The following CFAP20DC variants were observed in gnomAD, a reference collection of about 807,000 sequenced individuals.
CFAP20DC encodes the protein CFAP20 domain containing, also known as protein CFAP20DC.
CFAP20DC carries 84 observed loss-of-function variants against 101.7 expected under a neutral mutation model. The observed-to-expected ratio is 0.83, with a 90% CI of 0.69 to 0.99. The LOEUF (loss-of-function observed/expected upper bound fraction) is 0.99, where lower values mean the gene tolerates loss of function less well. Among genes scored for constraint, CFAP20DC ranks in the 50% least tolerant of loss-of-function variants. The pLI is 0.00. For synonymous variants in CFAP20DC, 359 were observed against 351.2 expected (o/e 1.02, Z -0.25); for missense variants, 1,007 against 970.3 (o/e 1.04, Z -0.50).
intron 4 of CFAP20DC, among the ~76,000 whole-genome samples, chr3:58,938,852 C>A (rs1312382163): frequency 1.3e-5 from 2 of 152,046 alleles, no homozygotes; most frequent in African/African-American, 4.8e-5. Flanking sequence ...TGCTCCAGAC[C>A]TAAAAATTCC....
Position 58,849,230 on chromosome 3 carries a change from A to G in CFAP20DC, c.1773T>C (p.Asp591=), listed in dbSNP as rs1244006931. Residue 591 remains aspartate (D), a synonymous_variant, in exon 13 of 17, where the codon GAT becomes GAC. Transcript: ENST00000482387. ...ACAAACTCATTTCAAAGTTATTTCT[A>G]TCTATTTGCTCCATCGAGGAATCCT... ...ESQDSSMEQI[D]RNNFEMSLLP... is the part of the protein sequence containing the mutation. 2 of 1,535,896 alleles carry G rather than the reference A, an allele frequency of 1.3e-6. No homozygotes were observed. Among genetic ancestry groups the G allele is most frequent in the Non-Finnish European group, 1.7e-6 (2 of 1,146,886 alleles).
chr3:58,888,193 G>A (rs965239052), intron 6 of CFAP20DC, among the ~76,000 whole-genome samples: 1 of 152,090 alleles, frequency 6.6e-6, no homozygotes, highest in African/African-American at 2.4e-5. Flanking sequence ...ATTAAATAGC[G>A]CTTCATTGTG....
intron 15 of CFAP20DC, among the ~76,000 whole-genome samples, chr3:58,764,074 A>G (rs939210355): frequency 1.3e-5 from 2 of 152,148 alleles, no homozygotes; most frequent in Non-Finnish European, 2.9e-5. Flanking sequence ...TCAGACAGGG[A>G]CATTTAAGTC....
At chr3:58,830,066 A>G (rs2076292762) in intron 14 of CFAP20DC, among the ~76,000 whole-genome samples, 1 of 152,202 alleles carries the variant, frequency 6.6e-6, no homozygotes, top group African/African-American at 2.4e-5. Context: ...CAGAAGTCAG[A>G]TATTTTTCTG....
chr3:58,781,180 T>C (rs1005456915), intron 15 of CFAP20DC, among the ~76,000 whole-genome samples: 1 of 151,732 alleles, frequency 6.6e-6, no homozygotes, highest in Non-Finnish European at 1.5e-5. Context: ...AACATACTTT[T>C]GAATGACCAC....
intron 14 of CFAP20DC, among the ~76,000 whole-genome samples, chr3:58,811,245 A>C (rs2074602501): frequency 6.6e-6 from 1 of 152,188 alleles, no homozygotes; most frequent in Non-Finnish European, 1.5e-5. Context: ...CCGCATTGCC[A>C]AGTCCATCCT....
At chr3:58,853,108 G>C (rs1028652323) in intron 12 of CFAP20DC, among the ~76,000 whole-genome samples, 8 of 152,128 alleles carry the variant, frequency 5.3e-5, no homozygotes, top group Non-Finnish European at 1.2e-4. Flanking sequence ...AAGAAGAAAA[G>C]AGAGAAGAAT....
intron 15 of CFAP20DC, among the ~76,000 whole-genome samples, chr3:58,759,357 T>C (rs1158396053): frequency 1.3e-5 from 2 of 152,258 alleles, no homozygotes; most frequent in Admixed American, 1.3e-4. Flanking sequence ...TGTCTGTTCA[T>C]ATCCTTCACC....
intron 15 of CFAP20DC, among the ~76,000 whole-genome samples, chr3:58,755,423 G>C (rs774441176): frequency 6.6e-6 from 1 of 152,090 alleles, no homozygotes; most frequent in African/African-American, 2.4e-5. Flanking sequence ...AATTACCAGC[G>C]CAGTGACCTC....
intron 4 of CFAP20DC, among the ~76,000 whole-genome samples, chr3:59,037,448 A>C (rs1382250966): frequency 1.3e-5 from 2 of 151,784 alleles, no homozygotes; most frequent in South Asian, 2.1e-4. Context: ...AAAAAAAAAA[A>C]CTCCAGCAAA....
intron 4 of CFAP20DC, among the ~76,000 whole-genome samples, chr3:59,034,379 C>T (rs2094055128): frequency 6.6e-6 from 1 of 152,090 alleles, no homozygotes; most frequent in South Asian, 2.1e-4. Flanking sequence ...CTAAATGCCC[C>T]CAATTAAGAC....
intron 7 of CFAP20DC, among the ~76,000 whole-genome samples, chr3:58,883,722 A>G (rs1213187878): frequency 6.6e-6 from 1 of 152,162 alleles, no homozygotes; most frequent in African/African-American, 2.4e-5. Context: ...CATGACTTCT[A>G]TGGGATAAGT....
At chr3:58,776,021 C>T (rs958474306) in intron 15 of CFAP20DC, among the ~76,000 whole-genome samples, 1 of 152,006 alleles carries the variant, frequency 6.6e-6, no homozygotes, top group Non-Finnish European at 1.5e-5. Flanking sequence ...GGATTACAGG[C>T]GTGAGCCACT....
At chr3:58,860,536 C>T (rs2079165608) in intron 12 of CFAP20DC, among the ~76,000 whole-genome samples, 2 of 152,114 alleles carry the variant, frequency 1.3e-5, no homozygotes, top group African/African-American at 4.8e-5. Context: ...CCAATTTGGA[C>T]TGTTACACAA....
At chr3:58,959,601 G>A (rs1318895601) in intron 4 of CFAP20DC, among the ~76,000 whole-genome samples, 1 of 152,170 alleles carries the variant, frequency 6.6e-6, no homozygotes, top group East Asian at 1.9e-4. Flanking sequence ...TTTCTTGACT[G>A]TCATGCTGCT....
At chr3:58,727,584 A>C (rs1423236126) in intron 3 of CFAP20DC, 1 of 152,186 alleles carries the variant, frequency 6.6e-6, no homozygotes. Flanking sequence ...CTACAGGCGC[A>C]CGCCACCATG....
In CFAP20DC at chr3:59,004,746, G is replaced by A. The variant is rs535711359; in HGVS notation, c.278+34811C>T. ...AGAGGCCCCCACCTCTTTAACTGGG[G>A]TACAAATTTTCCACTGCATAATCCC... On this transcript the variant is annotated intron_variant, in intron 4 of 16. Transcript: ENST00000482387. Among the ~76,000 whole-genome samples, 4 of 152,238 alleles carry A rather than the reference G, an allele frequency of 2.6e-5. No individual in the cohort carries two copies. In the South Asian group the frequency reaches 8.3e-4, roughly 32 times the overall value.
intron 14 of CFAP20DC, among the ~76,000 whole-genome samples, chr3:58,819,362 T>C (rs2075439288): frequency 6.6e-6 from 1 of 152,078 alleles, no homozygotes; most frequent in Admixed American, 6.6e-5. Context: ...AGCTGGTTTT[T>C]TGAAAGGATC....
At chr3:58,819,583 C>T (rs1447127889) in intron 14 of CFAP20DC, among the ~76,000 whole-genome samples, 2 of 149,226 alleles carry the variant, frequency 1.3e-5, no homozygotes, top group African/African-American at 5.0e-5. Flanking sequence ...TCTCCCAAGA[C>T]TAAACCAGGA....
Sources: allele counts gnomAD v4.1 joint callset (sites outside exome capture counted in the v4.1 genomes callset), GRCh38; gene constraint gnomAD v4.1.1; transcripts MANE v1.5; gene names NCBI Gene and HGNC (gene_info 2026-07-23, HGNC 2026-07-21).